The following NEB variants were observed in gnomAD, a reference collection of about 807,000 sequenced individuals.
The protein encoded by NEB is nemaline myopathy type 2.
A neutral mutation model predicts 952.2 loss-of-function variants in NEB; 512 were observed. The ratio of observed to expected loss-of-function variants is 0.54; its 90% confidence interval spans 0.50 to 0.58. NEB has a LOEUF of 0.58. Ranked by LOEUF, NEB falls within the 20% of genes least tolerant of loss-of-function variation. The probability of loss-of-function intolerance (pLI) is 0.00; values close to 1 mark genes in which losing one functional copy is unlikely to be tolerated. For synonymous variants in NEB, 2,900 were observed against 3,149.8 expected, an observed-to-expected ratio of 0.92 and a Z score of 2.66; for missense variants, 8,428 against 9,231.1, an observed-to-expected ratio of 0.91 and a Z score of 3.56.
chr2:151,592,182 G>A (rs1322344804), intron 94 of NEB, 44 bp from the exon 95 acceptor site: 1 of 1,547,852 alleles, frequency 6.5e-7, no homozygotes, highest in Non-Finnish European at 8.7e-7. Context: ...TAGTAAATAA[G>A]TCAATTACCA....
At chr2:151,528,567 C>T (rs952737726) in intron 146 of NEB, among the ~76,000 whole-genome samples, 2 of 152,146 alleles carry the variant, frequency 1.3e-5, no homozygotes, top group Admixed American at 1.3e-4. Context: ...TTTGCCAGCT[C>T]CTACAGGGAT....
rs367755249 is a variant in NEB at position 151,610,886 on chromosome 2, G to A, written c.11806-20C>T. 2.0e-6 allele frequency: 3 copies of A among 1,487,924 alleles called. No homozygotes were observed. The African/African-American group carries it at 4.2e-5, about 21-fold the overall frequency. The allele number at this position is 1,487,924 out of a possible 1,614,324, so 92.2% of individuals were successfully genotyped here. A position where few individuals can be genotyped will look rare whatever the true frequency, so the allele number is the denominator to read the frequency against. ...TAAATGCTACAGGGCAGGGCGGCATGGGGCATGGGGAGAGGGAGGGAGTAT... is the reference window on the plus strand; with the variant it reads ...TAAATGCTACAGGGCAGGGCGGCATAGGGCATGGGGAGAGGGAGGGAGTAT... On this transcript the variant is annotated intron_variant, in intron 78 of 181. Coordinates refer to ENST00000397345, the MANE Select transcript of NEB (RefSeq NM_001164508.2).
At chr2:151,511,548 A>C (rs2074339145) in intron 161 of NEB, among the ~76,000 whole-genome samples, 1 of 152,216 alleles carries the variant, frequency 6.6e-6, no homozygotes, top group South Asian at 2.1e-4. Context: ...CAGCGAATCT[A>C]CATCCCCAGG....
chr2:151,576,899 T>C (rs1217656663), intron 105 of NEB, among the ~76,000 whole-genome samples: 1 of 152,138 alleles, frequency 6.6e-6, no homozygotes, highest in Non-Finnish European at 1.5e-5. Flanking sequence ...ACATAATTCC[T>C]CAAATGCACA....
Position 151,541,492 on chromosome 2 carries a change from A to G in NEB, c.20637T>C (p.Thr6879=). 6.2e-7 allele frequency: 1 copy of G among 1,613,540 alleles called. No homozygotes were observed. The highest frequency in any genetic ancestry group is 1.1e-5 in the South Asian group (1 of 91,024). Residue 6879 remains threonine, a synonymous_variant, in exon 136 of 182, where the codon ACT becomes ACC. Transcript: ENST00000397345. ...CTCGCTTGGCTCTTAAAAGATCAGG[A>G]GTATCAGGAACTGAAGTAAAGATTG... ...QKSIFTSVPD[T]PDLLRAKRGQ...
chr2:151,686,672 C>G (rs1191224030), intron 27 of NEB, among the ~76,000 whole-genome samples: 1 of 151,526 alleles, frequency 6.6e-6, no homozygotes, highest in Non-Finnish European at 1.5e-5. Flanking sequence ...ATACAAATAC[C>G]CTTCTCTTTC....
In NEB at chr2:151,621,786, T is replaced by C. The variant is rs539577289; in HGVS notation, c.10453-760A>G. ...AACCAGTGATAAAAATTTTGACTGATTCTGTATCCTCTTAACGAAAAATTT... is the reference window on the plus strand; with the variant it reads ...AACCAGTGATAAAAATTTTGACTGACTCTGTATCCTCTTAACGAAAAATTT... On this transcript the variant is annotated intron_variant, in intron 71 of 181. Coordinates refer to ENST00000397345, the MANE Select transcript of NEB (RefSeq NM_001164508.2). 8.9e-4 allele frequency among the ~76,000 whole-genome samples: 136 copies of C among 152,328 alleles called. 1 individual carries two copies. Among genetic ancestry groups the C allele is most frequent in the Non-Finnish European group, 1.5e-3 (99 of 68,022 alleles).
chr2:151,610,229 GGCA>G, intron 80 of NEB, 109 bp from the exon 81 acceptor site: 2 of 934,570 alleles, frequency 2.1e-6, no homozygotes, highest in Non-Finnish European at 3.1e-6. Flanking sequence ...CAAACATTTT[GGCA>G]TCTCTGAACT....
chr2:151,617,354 G>A lies in NEB; in HGVS notation c.11181+10C>T. The A allele has an allele frequency of 6.6e-7, 1 of 1,523,174 alleles. No homozygotes were observed. The highest frequency in any genetic ancestry group is 8.9e-7 in the Non-Finnish European group (1 of 1,120,040). 94.4% of individuals were successfully genotyped at this position (1,523,174 alleles called of 1,614,324 possible). A position where few individuals can be genotyped will look rare whatever the true frequency, so the allele number is the denominator to read the frequency against. ...CTTTCTGTTCATTACAAGATCAACA[G>A]TTTACTTACATCACTGTAGTTTATT... On this transcript the variant is annotated intron_variant, in intron 75 of 181. Transcript: ENST00000397345.
At chr2:151,631,409 A>C (rs886093197) in intron 65 of NEB, 63 bp from the exon 66 acceptor site, 3 of 1,497,962 alleles carry the variant, frequency 2.0e-6, no homozygotes, top group Non-Finnish European at 2.7e-6. Flanking sequence ...GTAAATATGC[A>C]AATAGAATCA....
intron 73 of NEB, 79 bp from the exon 74 acceptor site, chr2:151,618,557 A>C: frequency 7.4e-7 from 1 of 1,351,318 alleles, no homozygotes; most frequent in Non-Finnish European, 1.0e-6. Flanking sequence ...ATCCTAGAGA[A>C]ACACAAAAAT....
chr2:151,662,190 A>T lies in NEB; in HGVS notation c.5915T>A (p.Leu1972His), dbSNP rs769569771. The change falls in exon 46 of 182, where the codon CTC (leucine) becomes CAC (histidine). Residue 1972 changes from leucine (L) to histidine (H), a missense_variant. Physicochemically the swap from Leu to His is moderately conservative, Grantham distance 99. Around this residue, in one of 11 missense-constraint regions of NEB, gnomAD observed 2,851 missense variants for 2,791.5 expected, o/e 1.02. Coordinates refer to ENST00000397345, the MANE Select transcript of NEB (RefSeq NM_001164508.2). ...QHPDTLKYST[L>H]MDSMNMVLAQ... ...CAAAACCATGTTCATCGAGTCCATG[A>T]GTGTGGAATACTTCAAAGTGTCTGG... is the stretch of plus-strand genomic sequence containing the variant. 1.2e-6 allele frequency: 2 copies of T among 1,613,592 alleles called. No individual in the cohort carries two copies. The highest frequency in any genetic ancestry group is 1.7e-6 in the Non-Finnish European group (2 of 1,179,668).
intron 81 of NEB, among the ~76,000 whole-genome samples, 196 bp downstream of exon 81, chr2:151,609,613 G>T (rs187712971): frequency 4.4e-4 from 67 of 152,252 alleles, no homozygotes; most frequent in African/African-American, 1.5e-3. Flanking sequence ...ATTTATATTT[G>T]TCTGAAATAT....
intron 48 of NEB, 82 bp downstream of exon 48, chr2:151,657,901 A>G: frequency 2.2e-6 from 2 of 929,680 alleles, no homozygotes; most frequent in Non-Finnish European, 3.4e-6. Flanking sequence ...TATTGTGTCC[A>G]CTCAGTGTTT....
chr2:151,630,612 T>A, intron 67 of NEB, 103 bp downstream of exon 67: 1 of 873,718 alleles, frequency 1.1e-6, no homozygotes, highest in Non-Finnish European at 1.8e-6. Flanking sequence ...GAGTGTTAAA[T>A]GAAAGAGCCA....
rs1344099907 is a variant in NEB, at chr2:151,497,028, T to TAACA, written c.24302_24305dup (p.Leu8102PhefsTer18). 9 of 1,568,560 alleles carry TAACA rather than the reference T, an allele frequency of 5.7e-6. No homozygotes were observed. The highest frequency in any genetic ancestry group is 1.4e-5 in the African/African-American group (1 of 74,008). ...TTCCCTTGCCCATGTTTTCTTTGTATAACACCTGTGCGATAAGAAAGCAAC... is the reference window on the plus strand; with the variant it reads ...TTCCCTTGCCCATGTTTTCTTTGTATAACAAACACCTGTGCGATAAGAAAGCAAC... On this transcript the variant is annotated frameshift_variant, in exon 172 of 182. Transcript: ENST00000397345. LOFTEE classifies it high-confidence loss of function.
At chr2:151,611,961 A>G (rs1277724835) in intron 78 of NEB, among the ~76,000 whole-genome samples, 3 of 152,182 alleles carry the variant, frequency 2.0e-5, no homozygotes, top group African/African-American at 4.8e-5. Context: ...GCATCACTCC[A>G]GGGAAATCAT....
At chr2:151,521,825 A>G (rs1576074315) in intron 153 of NEB, among the ~76,000 whole-genome samples, 1 of 152,324 alleles carries the variant, frequency 6.6e-6, no homozygotes, top group East Asian at 1.9e-4. Flanking sequence ...GCTTTTTACA[A>G]CTACTAATAT....
At chr2:151,554,852 A>G (rs1433678902) in intron 125 of NEB, 79 bp downstream of exon 125, 10 of 1,059,892 alleles carry the variant, frequency 9.4e-6, no homozygotes, top group Non-Finnish European at 1.5e-5. Flanking sequence ...TGATGTTAGC[A>G]CAACAATGAA....
Sources: allele counts gnomAD v4.1 joint callset (sites outside exome capture counted in the v4.1 genomes callset), GRCh38; gene constraint gnomAD v4.1.1; regional missense constraint gnomAD v4.1.1; transcripts MANE v1.5; gene names NCBI Gene and HGNC (gene_info 2026-07-23, HGNC 2026-07-21).